AUTS2: variants seen among roughly 807,000 people sequenced by gnomAD.
AUTS2 encodes the protein autism susceptibility gene 2 protein.
AUTS2 carries 17 observed loss-of-function variants against 112.4 expected under a neutral mutation model. The ratio of observed to expected loss-of-function variants is 0.15; its 90% CI spans 0.10 to 0.23. AUTS2 has a LOEUF of 0.23. Ranked by LOEUF, AUTS2 falls within the 10% of genes least tolerant of loss-of-function variation. The pLI is 1.00. For missense variants in AUTS2, 1,510 were observed against 1,701.6 expected, an observed-to-expected ratio of 0.89 and a Z score of 1.98; for synonymous variants, 751 against 702.7, an observed-to-expected ratio of 1.07 and a Z score of -1.09.
At chr7:69,961,089 C>T (rs1356081078) in intron 2 of AUTS2, among the ~76,000 whole-genome samples, 1 of 152,086 alleles carries the variant, frequency 6.6e-6, no homozygotes, top group African/African-American at 2.4e-5. Flanking sequence ...CATGTGTTCG[C>T]TAACTCCTCA....
intron 5 of AUTS2, among the ~76,000 whole-genome samples, chr7:70,489,264 C>T (rs1334603413): frequency 6.6e-6 from 1 of 152,168 alleles, no homozygotes; most frequent in African/African-American, 2.4e-5. Flanking sequence ...AGAAAAGGAA[C>T]AACTGGATGA....
chr7:70,663,094 G>A (rs1045396465), intron 5 of AUTS2, among the ~76,000 whole-genome samples: 4 of 152,192 alleles, frequency 2.6e-5, no homozygotes, highest in South Asian at 2.1e-4. Flanking sequence ...TGTTGAACTA[G>A]AATAAAGTTT....
chr7:69,914,350 C>G (rs1180243362), intron 2 of AUTS2, among the ~76,000 whole-genome samples: 25 of 125,676 alleles, frequency 2.0e-4, no homozygotes, highest in African/African-American at 7.0e-4. Flanking sequence ...CAGACACACA[C>G]ACACAGACAC....
chr7:69,869,015 C>T (rs1793362174), intron 1 of AUTS2, among the ~76,000 whole-genome samples: 2 of 152,148 alleles, frequency 1.3e-5, no homozygotes, highest in Non-Finnish European at 2.9e-5. Context: ...AGCTGCCTCC[C>T]CTGTACAAAC....
At chr7:70,224,421 A>G (rs1191504416) in intron 4 of AUTS2, among the ~76,000 whole-genome samples, 2 of 152,110 alleles carry the variant, frequency 1.3e-5, no homozygotes, top group Admixed American at 1.3e-4. Flanking sequence ...ATACAATACA[A>G]TTTAATAAAA....
At chr7:70,680,876 A>G (rs1808172905) in intron 5 of AUTS2, among the ~76,000 whole-genome samples, 1 of 152,222 alleles carries the variant, frequency 6.6e-6, no homozygotes, top group Admixed American at 6.5e-5. Flanking sequence ...CTTGTTAGTT[A>G]TAGGCGAGTG....
intron 1 of AUTS2, among the ~76,000 whole-genome samples, chr7:69,732,765 C>T (rs1786854799): frequency 1.3e-5 from 2 of 152,066 alleles, no homozygotes; most frequent in Non-Finnish European, 2.9e-5. Context: ...TTGTTAATTC[C>T]TTAAGAGACA....
intron 4 of AUTS2, among the ~76,000 whole-genome samples, chr7:70,382,568 CCTA>C (rs1469158502): frequency 6.6e-6 from 1 of 152,204 alleles, no homozygotes; most frequent in African/African-American, 2.4e-5. Context: ...GGTACCTGTA[CCTA>C]CTCCAGCTGA....
chr7:70,665,945 A>T (rs1807326043), intron 5 of AUTS2, among the ~76,000 whole-genome samples: 1 of 152,228 alleles, frequency 6.6e-6, no homozygotes, highest in Non-Finnish European at 1.5e-5. Context: ...CTTTCCCAGG[A>T]TGCATGTGGC....
At chr7:70,545,846 C>A (rs1433363005) in intron 5 of AUTS2, among the ~76,000 whole-genome samples, 1 of 152,090 alleles carries the variant, frequency 6.6e-6, no homozygotes, top group Admixed American at 6.5e-5. Context: ...TTCTTCCGAG[C>A]CTTCATAGAA....
intron 4 of AUTS2, among the ~76,000 whole-genome samples, chr7:70,197,401 G>A (rs1220657496): frequency 2.0e-5 from 3 of 150,748 alleles, no homozygotes; most frequent in African/African-American, 4.9e-5. Flanking sequence ...CGCAGAAGAC[G>A]GGTGATTTCT....
intron 2 of AUTS2, among the ~76,000 whole-genome samples, chr7:70,101,028 C>A (rs1044983955): frequency 2.0e-5 from 3 of 152,104 alleles, no homozygotes; most frequent in African/African-American, 7.2e-5. Context: ...TAGGCGCACA[C>A]CACCACACCT....
At chr7:69,773,292 G>T (rs1244866399) in intron 1 of AUTS2, among the ~76,000 whole-genome samples, 6 of 152,012 alleles carry the variant, frequency 3.9e-5, no homozygotes, top group Non-Finnish European at 8.8e-5. Context: ...GCCAAGGCAG[G>T]CAGATCACTC....
rs562173931 is a variant in AUTS2, at chr7:69,923,032, G to A, written c.522+23534G>A. Among the ~76,000 whole-genome samples the A allele has an allele frequency of 2.2e-4, 34 of 152,260 alleles. No homozygotes were observed. In the South Asian group the frequency reaches 7.0e-3, roughly 32 times the overall value. ...TATCAGTTATCACAGATTGGTATGC[G>A]TTGGTCCATGTTATGTATTTGCCTG... On this transcript the variant is annotated intron_variant, in intron 2 of 18. Coordinates refer to ENST00000342771, the MANE Select transcript of AUTS2 (RefSeq NM_015570.4).
intron 10 of AUTS2, among the ~76,000 whole-genome samples, chr7:70,770,365 G>A (rs1055377397): frequency 1.3e-5 from 2 of 152,216 alleles, no homozygotes; most frequent in Admixed American, 6.5e-5. Context: ...ACGGGATTGC[G>A]AAATGTGAAT....
At chr7:69,730,753 C>T (rs1243435892) in intron 1 of AUTS2, among the ~76,000 whole-genome samples, 1 of 152,170 alleles carries the variant, frequency 6.6e-6, no homozygotes, top group Non-Finnish European at 1.5e-5. Context: ...TGTGCACCAT[C>T]ATTTCTTGGA....
intron 1 of AUTS2, among the ~76,000 whole-genome samples, chr7:69,684,064 C>T (rs530438991): frequency 6.6e-6 from 1 of 152,208 alleles, no homozygotes; most frequent in Non-Finnish European, 1.5e-5. Context: ...TTCTAAGACT[C>T]AGCCATCTTG....
intron 6 of AUTS2, among the ~76,000 whole-genome samples, chr7:70,708,791 C>T (rs1178545084): frequency 6.6e-6 from 1 of 152,020 alleles, no homozygotes; most frequent in African/African-American, 2.4e-5. Context: ...AAAATTGATG[C>T]TATTGTTATA....
rs1791790024 is a variant in AUTS2, at chr7:70,790,012, G to A, written c.2796G>A (p.Glu932=). The change falls in exon 19 of 19, where the codon GAG becomes GAA. Residue 932 remains glutamate, a synonymous_variant. Transcript: ENST00000342771. The surrounding 1 kb of genome is among the most constrained non-coding windows in gnomAD (Gnocchi z 7.6). ...HGHEGRAAGE[E]AKQLARVPSP... ...ACGAGGGGCGCGCCGCGGGCGAAGA[G>A]GCCAAGCAGCTGGCCCGGGTGCCGT... 3 of 1,594,712 alleles carry A rather than the reference G, an allele frequency of 1.9e-6. No individual in the cohort carries two copies. Among genetic ancestry groups the A allele is most frequent in the African/African-American group, 1.3e-5 (1 of 74,526 alleles).
Sources: allele counts gnomAD v4.1 joint callset (sites outside exome capture counted in the v4.1 genomes callset), GRCh38; gene constraint gnomAD v4.1.1; non-coding constraint Gnocchi (gnomAD v3.1); transcripts MANE v1.5; gene names NCBI Gene and HGNC (gene_info 2026-07-23, HGNC 2026-07-21).